KANK2: variants seen among roughly 807,000 people sequenced by gnomAD.
KANK2 encodes the protein KN motif and ankyrin repeat domain-containing protein 2.
A neutral mutation model predicts 74.6 loss-of-function variants in KANK2; 41 were observed. The observed-to-expected ratio is 0.55, with a 90% confidence interval of 0.43 to 0.71. The LOEUF is 0.71. Ranked by LOEUF, KANK2 falls within the 30% of genes least tolerant of loss-of-function variation. The pLI is 0.00. For synonymous variants in KANK2, 537 were observed against 519.0 expected, an observed-to-expected ratio of 1.03 and a Z score of -0.47; for missense variants, 1,148 against 1,196.4, an observed-to-expected ratio of 0.96 and a Z score of 0.60.
At chr19:11,180,008 A>G (rs1357518302) in intron 4 of KANK2, among the ~76,000 whole-genome samples, 2 of 152,200 alleles carry the variant, frequency 1.3e-5, no homozygotes, top group African/African-American at 2.4e-5. Context: ...GTAAAGGCGC[A>G]TGCCACTGTG....
At chr19:11,180,013 A>C (rs1600814548) in intron 4 of KANK2, among the ~76,000 whole-genome samples, 3 of 152,200 alleles carry the variant, frequency 2.0e-5, no homozygotes, top group Admixed American at 2.0e-4. Context: ...GGCGCATGCC[A>C]CTGTGCCCAG....
rs1463071850 is a variant in KANK2, at chr19:11,192,054, T to C, written c.1249+777A>G. ...CAGCCTGGGCAATGGAGCGAGACTC[T>C]ATCTCTTAATAACGACAACAAGAAC... On this transcript the variant is annotated intron_variant, in intron 4 of 12. Coordinates refer to ENST00000586659, the MANE Select transcript of KANK2 (RefSeq NM_001136191.3). Among the ~76,000 whole-genome samples, 3 of 152,208 alleles carry C rather than the reference T, an allele frequency of 2.0e-5. No individual in the cohort carries two copies. In the East Asian group the frequency reaches 5.8e-4, roughly 29 times the overall value.
At chr19:11,189,181 C>A (rs1434292939) in intron 4 of KANK2, among the ~76,000 whole-genome samples, 2 of 150,438 alleles carry the variant, frequency 1.3e-5, no homozygotes, top group East Asian at 3.9e-4. Flanking sequence ...AGCCTCGACC[C>A]CCTGGGCTCA....
intron 4 of KANK2, among the ~76,000 whole-genome samples, chr19:11,183,133 A>G (rs17678521): frequency 0.058 from 8,843 of 152,318 alleles, 296 homozygotes; most frequent in Admixed American, 0.085. Flanking sequence ...ACAAGAGCAC[A>G]GATGGAGTAG....
rs1229924359 is a variant in KANK2 at position 11,178,334 on chromosome 19, TCTC to T, written c.1520+8_1520+10del. 3.6e-6 allele frequency: 5 copies of T among 1,381,040 alleles called. No homozygotes were observed. In the African/African-American group the frequency reaches 4.5e-5, roughly 13 times the overall value. 85.5% of individuals were successfully genotyped at this position (1,381,040 alleles called of 1,614,324 possible). A position where few individuals can be genotyped will look rare whatever the true frequency, so the allele number is the denominator to read the frequency against. On this transcript the variant is annotated splice_region_variant and intron_variant, in intron 6 of 12. Coordinates refer to ENST00000586659, the MANE Select transcript of KANK2 (RefSeq NM_001136191.3). The stretch of plus-strand genomic sequence containing the variant: ...AAGTATGGGGTGGGGGGTGGGGTCT[TCTC>T]CTCTCACCCGCCGTTGACCCCCACG...
At chr19:11,175,221 G>A (rs2078299966) in intron 8 of KANK2, among the ~76,000 whole-genome samples, 1 of 151,642 alleles carries the variant, frequency 6.6e-6, no homozygotes, top group Admixed American at 6.6e-5. Context: ...GAGGTCACGA[G>A]TTCGAGACCA....
intron 6 of KANK2, among the ~76,000 whole-genome samples, chr19:11,177,394 G>A (rs897887108): frequency 7.9e-5 from 12 of 151,820 alleles, no homozygotes; most frequent in African/African-American, 2.2e-4. Context: ...TCGCTCTGTC[G>A]CCCAGGCTAG....
intron 4 of KANK2, among the ~76,000 whole-genome samples, chr19:11,190,366 T>A (rs1328670426): frequency 6.6e-6 from 1 of 151,924 alleles, no homozygotes; most frequent in Non-Finnish European, 1.5e-5. Context: ...GAGCTCAGGT[T>A]ATCCACCCAC....
chr19:11,179,980 C>A (rs963063824), intron 4 of KANK2, among the ~76,000 whole-genome samples: 2 of 152,206 alleles, frequency 1.3e-5, no homozygotes, highest in African/African-American at 4.8e-5. Flanking sequence ...CCTGCCTCAG[C>A]CCCCTGAGCG....
chr19:11,192,168 C>T (rs940136529), intron 4 of KANK2, among the ~76,000 whole-genome samples: 22 of 152,150 alleles, frequency 1.4e-4, no homozygotes, highest in African/African-American at 4.8e-4. Flanking sequence ...TGAACAGCTC[C>T]GAGATTGATT....
At chr19:11,189,030 C>A (rs2078759441) in intron 4 of KANK2, among the ~76,000 whole-genome samples, 1 of 151,564 alleles carries the variant, frequency 6.6e-6, no homozygotes, top group Admixed American at 6.6e-5. Context: ...GGGCCAAGAG[C>A]TGACCTTGGG....
intron 6 of KANK2, 138 bp from the exon 7 acceptor site, chr19:11,176,955 G>T: frequency 9.7e-7 from 1 of 1,025,728 alleles, no homozygotes; most frequent in East Asian, 2.8e-5. Context: ...TGACATTCCA[G>T]GGTTGTGGGA....
chr19:11,179,099 T>C (rs947964565), intron 4 of KANK2, among the ~76,000 whole-genome samples: 1 of 150,278 alleles, frequency 6.7e-6, no homozygotes, highest in Non-Finnish European at 1.5e-5. Flanking sequence ...GCGAATCCCC[T>C]GAGATCAGAA....
chr19:11,181,059 C>T (rs1008531617), intron 4 of KANK2, among the ~76,000 whole-genome samples: 1 of 123,828 alleles, frequency 8.1e-6, no homozygotes, highest in Non-Finnish European at 1.6e-5. Context: ...TGCACTCCAG[C>T]CTGGGGGATA....
intron 9 of KANK2, among the ~76,000 whole-genome samples, chr19:11,174,019 G>A (rs1002106171): frequency 1.3e-5 from 2 of 151,886 alleles, no homozygotes; most frequent in Admixed American, 6.6e-5. Context: ...TGGAAGGGTG[G>A]CATCTCCCAT....
rs1005996993 is a variant in KANK2, at chr19:11,166,700, G to C, written c.2503-89C>G. The C allele has an allele frequency of 6.3e-6, 8 of 1,278,042 alleles. No homozygotes were observed. The African/African-American group carries it at 1.0e-4, about 16-fold the overall frequency. 79.2% of individuals were successfully genotyped at this position (1,278,042 alleles called of 1,614,324 possible). On this transcript the variant is annotated intron_variant, in intron 12 of 12. Transcript: ENST00000586659. ...TGGTGGCTGGCCTGGTAGATATGAT[G>C]GGTAAGCAGGAGGGAGGCGTGGCCC...
At position 11,164,720 on chromosome 19, in the gene KANK2, ATCCATCCATCCATCCATCCATC is replaced by A. The variant is rs1568638351; in HGVS notation, c.*1816_*1837del. The stretch of plus-strand genomic sequence containing the variant: ...ACACCATCTATCTATTCATCCATCC[ATCCATCCATCCATCCATCCATC>A]CATCCATCCATCCATCCTGCTTGTC... On this transcript the variant is annotated 3_prime_UTR_variant, in exon 13 of 13. Coordinates refer to ENST00000586659, the MANE Select transcript of KANK2 (RefSeq NM_001136191.3). The A allele has an allele frequency of 6.3e-5, 7 of 111,630 alleles. No individual in the cohort carries two copies. Among genetic ancestry groups the A allele is most frequent in the Non-Finnish European group, 1.2e-4 (6 of 48,956 alleles). 6.9% of individuals were successfully genotyped at this position (111,630 alleles called of 1,614,324 possible).
chr19:11,178,813 C>T lies in KANK2; in HGVS notation c.1250-93G>A, dbSNP rs1293357852. On this transcript the variant is annotated intron_variant, in intron 4 of 12. Transcript: ENST00000586659. ...ATACACCCTGGGCCAGGAGCTGTAA[C>T]AGGGCTGATTTTTGTGTTACCACAT... 5 of 1,216,296 alleles carry T rather than the reference C, an allele frequency of 4.1e-6. No individual in the cohort carries two copies. The East Asian group carries it at 1.4e-4, about 35-fold the overall frequency. 75.3% of individuals were successfully genotyped at this position (1,216,296 alleles called of 1,614,324 possible).
chr19:11,176,098 G>T, intron 7 of KANK2, 109 bp from the exon 8 acceptor site: 1 of 791,510 alleles, frequency 1.3e-6, no homozygotes, highest in Non-Finnish European at 2.1e-6. Context: ...CTGAATGGTG[G>T]CATCTCAGAC....
Sources: allele counts gnomAD v4.1 joint callset (sites outside exome capture counted in the v4.1 genomes callset), GRCh38; gene constraint gnomAD v4.1.1; transcripts MANE v1.5; gene names NCBI Gene and HGNC (gene_info 2026-07-23, HGNC 2026-07-21).